The following NDRG4 variants were observed in gnomAD, a reference collection of about 807,000 sequenced individuals.
NDRG4 encodes the protein protein NDRG4.
Under a neutral mutation model 55.8 loss-of-function variants are expected in NDRG4, and 38 were observed. That is an observed-to-expected ratio of 0.68 (90% CI 0.53 to 0.89). The LOEUF (loss-of-function observed/expected upper bound fraction) is 0.89. Among genes scored for constraint, NDRG4 ranks in the 40% least tolerant of loss-of-function variants. NDRG4 has a pLI of 0.00. For synonymous variants in NDRG4, 190 were observed against 182.7 expected, an observed-to-expected ratio of 1.04 and a Z score of -0.32; for missense variants, 455 against 468.6, an observed-to-expected ratio of 0.97 and a Z score of 0.27.
Position 58,506,963 on chromosome 16 carries a change from G to A in NDRG4, c.568G>A (p.Gly190Arg), listed in dbSNP as rs767190492. ...ELVQSYRQQI[G>R]NVVNQANLQL... ...GGTGCAGAGCTACCGGCAGCAGATT[G>A]GGAACGTGGTGAACCAGGCCAACCT... Residue 190 changes from glycine (G) to arginine (R), a missense_variant, in exon 8 of 15, where the codon GGG (glycine) becomes AGG (arginine). Gly to Arg is a moderately radical substitution (Grantham distance 125, BLOSUM62 -2). Transcript: ENST00000570248. 5.0e-6 allele frequency: 8 copies of A among 1,614,124 alleles called. No homozygotes were observed. Among genetic ancestry groups the A allele is most frequent in the Non-Finnish European group, 5.9e-6 (7 of 1,180,012 alleles).
intron 1 of NDRG4, among the ~76,000 whole-genome samples, chr16:58,474,151 C>T (rs960837581): frequency 6.6e-6 from 1 of 151,174 alleles, no homozygotes. Context: ...ATTCTCCTGC[C>T]TCAGCCTCCC....
downstream of NDRG4, among the ~76,000 whole-genome samples, chr16:58,514,207 A>G (rs1466279841): frequency 6.6e-6 from 1 of 152,232 alleles, no homozygotes; most frequent in African/African-American, 2.4e-5. Context: ...ATCTTCACCT[A>G]TGTATAACCT....
intron 2 of NDRG4, 112 bp downstream of exon 2, chr16:58,504,015 T>C: frequency 1.9e-6 from 3 of 1,545,402 alleles, no homozygotes; most frequent in Non-Finnish European, 2.7e-6. Flanking sequence ...CTCACCTCTG[T>C]TGCCTTCGCC....
In NDRG4 at chr16:58,483,598, T is replaced by C. The variant is rs74922191; in HGVS notation, c.-23-4158T>C. Among the ~76,000 whole-genome samples the C allele has an allele frequency of 8.4e-4, 128 of 152,256 alleles. 2 individuals are homozygous for C. In the East Asian group the frequency reaches 0.023, roughly 28 times the overall value. On this transcript the variant is annotated intron_variant, in intron 1 of 15. Coordinates refer to the NDRG4 transcript ENST00000258187. ...TCCCCTGTACCATCCCTCCCCTATG[T>C]ACATCAGCTTAGCCCCTCTGCGTGC... is the stretch of plus-strand genomic sequence containing the variant.
intron 1 of NDRG4, chr16:58,500,590 A>G (rs2036955730): frequency 1.9e-6 from 1 of 526,036 alleles, no homozygotes. Context: ...GCCCGTGTGG[A>G]CCCGGGCGCT....
Position 58,507,023 on chromosome 16 carries a change from TGGGATCAGCAGCCCTGGGACCCAG to T in NDRG4, c.620+9_620+32del, listed in dbSNP as rs1438612303. On this transcript the variant is annotated intron_variant, in intron 8 of 14. Coordinates refer to ENST00000570248, the MANE Select transcript of NDRG4 (RefSeq NM_001242835.2). Reference sequence around the variant, plus strand: ...CTGGAACATGTACAACAGGTGCGGGTGGGATCAGCAGCCCTGGGACCCAGCACACCCCAGTGGGGGCCCTTGCAC... The same window carrying T: ...CTGGAACATGTACAACAGGTGCGGGTCACACCCCAGTGGGGGCCCTTGCAC... 1 of 1,610,114 alleles carries T rather than the reference TGGGATCAGCAGCCCTGGGACCCAG, an allele frequency of 6.2e-7. No homozygotes were observed. Among genetic ancestry groups the T allele is most frequent in the East Asian group, 2.2e-5 (1 of 44,782 alleles).
chr16:58,504,234 GC>G lies in NDRG4; in HGVS notation c.212del (p.Pro71LeufsTer38). 6.2e-7 allele frequency: 1 copy of G among 1,614,174 alleles called. No homozygotes were observed. The highest frequency in any genetic ancestry group is 2.2e-5 in the East Asian group (1 of 44,874). ...GCACTTTGTGGTGTGTCACGTGGATGCCCCTGGACAACAGGTGGGGGCGTCG... is the reference window on the plus strand; with the variant it reads ...GCACTTTGTGGTGTGTCACGTGGATGCCCTGGACAACAGGTGGGGGCGTCG... Reference protein sequence around the residue: ...TKHFVVCHVDAPGQQVGASQF... With the variant: ...TKHFVVCHVDXPGQQVGASQF... On this transcript the variant is annotated frameshift_variant, in exon 3 of 15. Transcript: ENST00000570248. LOFTEE classifies it high-confidence loss of function.
upstream of NDRG4, among the ~76,000 whole-genome samples, chr16:58,497,307 G>T (rs949670703): frequency 6.6e-6 from 1 of 151,984 alleles, no homozygotes; most frequent in Non-Finnish European, 1.5e-5. Flanking sequence ...GGGCAACAGA[G>T]CAAGACCATG....
At chr16:58,500,977 T>A (rs1310791789) in intron 1 of NDRG4, 19 of 1,243,330 alleles carry the variant, frequency 1.5e-5, no homozygotes, top group Non-Finnish European at 1.9e-5. Flanking sequence ...CCTGCCTGCC[T>A]TATTTTGTAG....
At chr16:58,467,946 G>A (rs925241157) in intron 1 of NDRG4, among the ~76,000 whole-genome samples, 2 of 152,108 alleles carry the variant, frequency 1.3e-5, no homozygotes, top group Non-Finnish European at 2.9e-5. Context: ...TTCCCTCCCC[G>A]CAGGGTGTTC....
chr16:58,500,100 G>A, upstream of NDRG4: 3 of 1,520,334 alleles, frequency 2.0e-6, no homozygotes, highest in South Asian at 1.2e-5. Flanking sequence ...AGCTAGGCTG[G>A]GCCAGGATCC....
chr16:58,499,512 G>T, upstream of NDRG4: 1 of 152,794 alleles, frequency 6.5e-6, no homozygotes. Context: ...GGGCAAGGTG[G>T]GATTTTCATC....
chr16:58,479,797 T>C (rs531601471), intron 1 of NDRG4, among the ~76,000 whole-genome samples: 1 of 152,364 alleles, frequency 6.6e-6, no homozygotes, highest in East Asian at 1.9e-4. Context: ...GGAGCAATGG[T>C]CTGAGCAGGT....
intron 1 of NDRG4, among the ~76,000 whole-genome samples, chr16:58,468,401 C>T (rs561100937): frequency 1.3e-5 from 2 of 152,156 alleles, no homozygotes; most frequent in African/African-American, 4.8e-5. Context: ...TCAGTCTTAT[C>T]AGTAAAATGG....
At chr16:58,495,967 C>A (rs920671601), upstream of NDRG4, among the ~76,000 whole-genome samples, 1 of 152,094 alleles carries the variant, frequency 6.6e-6, no homozygotes, top group African/African-American at 2.4e-5. Flanking sequence ...GAAGGGACAG[C>A]CGGAGATCAG....
intron 1 of NDRG4, among the ~76,000 whole-genome samples, chr16:58,503,504 C>T (rs938006200): frequency 2.6e-5 from 4 of 152,164 alleles, no homozygotes; most frequent in Non-Finnish European, 5.9e-5. Context: ...AACAGCCTCC[C>T]TGGACCCTCA....
intron 14 of NDRG4, chr16:58,510,991 G>A (rs901127329): frequency 1.3e-5 from 7 of 527,732 alleles, no homozygotes; most frequent in African/African-American, 7.6e-5. Flanking sequence ...CCACATAGGT[G>A]GCCAGGAGAG....
At chr16:58,498,824 G>A (rs867338876), upstream of NDRG4, among the ~76,000 whole-genome samples, 5 of 152,160 alleles carry the variant, frequency 3.3e-5, no homozygotes, top group South Asian at 2.1e-4. Context: ...ACAAGGCAGG[G>A]TCAGGTCTTG....
intron 1 of NDRG4, chr16:58,500,882 G>A (rs1039316646): frequency 2.2e-5 from 15 of 689,762 alleles, no homozygotes; most frequent in Non-Finnish European, 2.9e-5. Context: ...TGCGCCAGCC[G>A]GGCAGAGGCA....
Sources: allele counts gnomAD v4.1 joint callset (sites outside exome capture counted in the v4.1 genomes callset), GRCh38; gene constraint gnomAD v4.1.1; transcripts MANE v1.5; gene names NCBI Gene and HGNC (gene_info 2026-07-23, HGNC 2026-07-21).